The following CRYZL1 variants were observed in gnomAD, a reference collection of about 807,000 sequenced individuals.
The protein encoded by CRYZL1 is ferry endosomal RAB5 effector complex subunit 4.
In CRYZL1, 34 loss-of-function variants were observed where a neutral mutation model predicts 50.6. The observed-to-expected ratio is 0.67, with a 90% confidence interval of 0.51 to 0.89. The LOEUF is 0.89. Among genes scored for constraint, CRYZL1 ranks in the 40% least tolerant of loss-of-function variants. The pLI is 0.00. For missense variants in CRYZL1, 354 were observed against 402.3 expected, an observed-to-expected ratio of 0.88 and a Z score of 1.03; for synonymous variants, 125 against 134.3, an observed-to-expected ratio of 0.93 and a Z score of 0.48.
chr21:33,637,041 C>G (rs1481971126), intron 1 of CRYZL1, among the ~76,000 whole-genome samples: 1 of 152,222 alleles, frequency 6.6e-6, no homozygotes, highest in East Asian at 1.9e-4. Flanking sequence ...CTTACCTACA[C>G]TTTCAGGCCA....
chr21:33,640,304 G>A, intron 1 of CRYZL1: 1 of 1,453,246 alleles, frequency 6.9e-7, no homozygotes, highest in Non-Finnish European at 9.2e-7. Flanking sequence ...CCTGCTGTAA[G>A]CTGGAACAGA....
At chr21:33,635,604 T>G (rs920103919) in intron 1 of CRYZL1, among the ~76,000 whole-genome samples, 14 of 151,650 alleles carry the variant, frequency 9.2e-5, no homozygotes, top group Admixed American at 5.2e-4. Context: ...TCCGCCTGCC[T>G]CGGCCTCCCA....
At chr21:33,613,323 A>C (rs927802769) in intron 6 of CRYZL1, among the ~76,000 whole-genome samples, 2 of 152,228 alleles carry the variant, frequency 1.3e-5, no homozygotes, top group African/African-American at 4.8e-5. Flanking sequence ...TTAAAGGTCT[A>C]TATATTGTTT....
chr21:33,609,855 A>G (rs1486513094), intron 6 of CRYZL1, among the ~76,000 whole-genome samples: 5 of 151,616 alleles, frequency 3.3e-5, no homozygotes, highest in Non-Finnish European at 5.9e-5. Flanking sequence ...GGCACCTGCC[A>G]CCACGCCCGG....
intron 1 of CRYZL1, chr21:33,641,205 T>G (rs1190075662): frequency 2.6e-6 from 4 of 1,550,584 alleles, no homozygotes; most frequent in Non-Finnish European, 3.5e-6. Context: ...TTCCGCCGTT[T>G]AGCATAATGA....
intron 1 of CRYZL1, among the ~76,000 whole-genome samples, chr21:33,632,060 C>T (rs1409788675): frequency 1.3e-5 from 2 of 151,410 alleles, no homozygotes; most frequent in Non-Finnish European, 2.9e-5. Context: ...CAGTGGCTCA[C>T]GCCTGTAATC....
chr21:33,595,080 A>T, intron 11 of CRYZL1: 1 of 699,568 alleles, frequency 1.4e-6, no homozygotes, highest in Non-Finnish European at 1.8e-6. Context: ...AGGAATTCTT[A>T]AGTTGACCCT....
At chr21:33,628,809 A>G (rs1176407471) in intron 2 of CRYZL1, among the ~76,000 whole-genome samples, 6 of 151,478 alleles carry the variant, frequency 4.0e-5, no homozygotes, top group African/African-American at 1.2e-4. Flanking sequence ...GGGTCTCCCT[A>G]TGTTGCCCAG....
chr21:33,589,442 T>C lies in CRYZL1; in HGVS notation c.*380A>G, dbSNP rs2086618941. On this transcript the variant is annotated 3_prime_UTR_variant, in exon 13 of 13. Transcript: ENST00000381554. ...AGGAAGGTGTTGAGAACGGAGTTGA[T>C]ACAAAATTAATACGTTACTTTGATA... The C allele has an allele frequency of 6.4e-6, 2 of 314,694 alleles. No homozygotes were observed. The highest frequency in any genetic ancestry group is 9.0e-5 in the South Asian group (1 of 11,070). The allele number at this position is 314,694 out of a possible 1,614,324, so 19.5% of individuals were successfully genotyped here. A position where few individuals can be genotyped will look rare whatever the true frequency, so the allele number is the denominator to read the frequency against.
rs1407341547 is a variant in CRYZL1 at position 33,595,847 on chromosome 21, A to G, written c.799-11T>C. On this transcript the variant is annotated splice_polypyrimidine_tract_variant and intron_variant, in intron 10 of 12. Coordinates refer to ENST00000381554, the MANE Select transcript of CRYZL1 (RefSeq NM_145858.3). ...ATCTGGAGGATCCAACTTGGATAGA[A>G]TGAAACAAAGACTAATCAATTATTG... is the stretch of plus-strand genomic sequence containing the variant. 2 of 1,567,902 alleles carry G rather than the reference A, an allele frequency of 1.3e-6. No individual in the cohort carries two copies. Among genetic ancestry groups the G allele is most frequent in the Admixed American group, 3.3e-5 (2 of 59,908 alleles).
rs1207702133 is a variant in CRYZL1, at chr21:33,589,887, C to T, written c.985G>A (p.Ala329Thr). The stretch of plus-strand genomic sequence containing the variant: ...TGAACAGCTTCCATGGAAACTTTTG[C>T]CTCATACAGTGGAATGGGTTCATCC... Reference protein sequence around the residue: ...QLDEPIPLYEAKVSMEAVQKN... With the variant: ...QLDEPIPLYETKVSMEAVQKN... Residue 329 changes from alanine to threonine, a missense_variant, in exon 13 of 13, where the codon GCA becomes ACA. Physicochemically the swap from Ala to Thr is moderately conservative, Grantham distance 58. Transcript: ENST00000381554. The T allele has an allele frequency of 2.5e-6, 4 of 1,610,866 alleles. No homozygotes were observed. The highest frequency in any genetic ancestry group is 4.5e-5 in the East Asian group (2 of 44,824).
intron 11 of CRYZL1, among the ~76,000 whole-genome samples, chr21:33,593,347 C>G (rs2145915313): frequency 6.6e-6 from 1 of 152,188 alleles, no homozygotes. Flanking sequence ...ACCTCGTGAT[C>G]CGCCCACCTT....
Position 33,602,279 on chromosome 21 carries a change from T to C in CRYZL1, c.532A>G (p.Ser178Gly). 6.2e-7 allele frequency: 1 copy of C among 1,612,536 alleles called. No individual in the cohort carries two copies. The highest frequency in any genetic ancestry group is 1.1e-5 in the South Asian group (1 of 91,040). Residue 178 changes from serine to glycine, a missense_variant, in exon 8 of 13, where the codon AGC becomes GGC. Coordinates refer to ENST00000381554, the MANE Select transcript of CRYZL1 (RefSeq NM_145858.3). ...RGAKVISTAC[S>G]LEDKQCLERF... is the part of the protein sequence containing the mutation. ...TCAAGGCACTGCTTATCTTCAAGGC[T>C]GCATGCTGTTGAAATCACTTTGGCT...
At chr21:33,621,961 A>G (rs1569090373) in intron 4 of CRYZL1, 35 bp downstream of exon 4, 4 of 1,452,260 alleles carry the variant, frequency 2.8e-6, no homozygotes, top group South Asian at 2.4e-5. Context: ...TTTACCTTAG[A>G]AAATAAATAC....
chr21:33,629,412 C>T (rs1432457329), intron 2 of CRYZL1, among the ~76,000 whole-genome samples: 4 of 152,182 alleles, frequency 2.6e-5, no homozygotes, highest in African/African-American at 9.7e-5. Flanking sequence ...GAGGCGCACG[C>T]CACCACACCC....
chr21:33,608,392 T>G (rs956081225), intron 6 of CRYZL1, among the ~76,000 whole-genome samples: 1 of 152,026 alleles, frequency 6.6e-6, no homozygotes, highest in Non-Finnish European at 1.5e-5. Context: ...GAGGCGGAGG[T>G]TGCAGTGAGC....
rs902683210 is a variant in CRYZL1, at chr21:33,626,358, C to T, written c.67-1598G>A. ...TGGGATTCTGGGCTCAACATACCAA[C>T]GTAATTGAACCTAATTATCCCTCAG... On this transcript the variant is annotated intron_variant, in intron 2 of 12. Coordinates refer to ENST00000381554, the MANE Select transcript of CRYZL1 (RefSeq NM_145858.3). Among the ~76,000 whole-genome samples the T allele has an allele frequency of 5.3e-5, 8 of 152,166 alleles. No homozygotes were observed. The East Asian group carries it at 9.6e-4, about 18-fold the overall frequency.
chr21:33,599,034 A>G (rs959022958), intron 9 of CRYZL1, 116 bp downstream of exon 9: 33 of 892,302 alleles, frequency 3.7e-5, no homozygotes, highest in Non-Finnish European at 5.5e-5. Flanking sequence ...ACAAAACCTA[A>G]AACTGAACAT....
intron 6 of CRYZL1, among the ~76,000 whole-genome samples, chr21:33,613,226 A>T (rs989232253): frequency 5.9e-5 from 9 of 152,178 alleles, no homozygotes; most frequent in South Asian, 2.1e-4. Flanking sequence ...GTAAAAAAAA[A>T]TTTTTAATTC....
Sources: gnomAD v4.1 joint callset for allele counts (sites outside exome capture counted in the v4.1 genomes callset) on GRCh38, gnomAD v4.1.1 for gene constraint, MANE v1.5 for transcripts, NCBI Gene and HGNC (gene_info 2026-07-23, HGNC 2026-07-21) for gene names.